The following ASTN1 variants were observed in gnomAD, a reference collection of about 807,000 sequenced individuals.
ASTN1 encodes the protein astrotactin 1, also known as astrotactin-1.
Under a neutral mutation model 140.7 loss-of-function variants are expected in ASTN1, and 41 were observed. The observed-to-expected ratio is 0.29, with a 90% CI of 0.23 to 0.38. ASTN1 has a LOEUF of 0.38. ASTN1 is among the 10% of genes least tolerant of loss of function. The pLI, the probability that ASTN1 is intolerant of heterozygous loss-of-function variation, is 1.00. For missense variants in ASTN1, 1,479 were observed against 1,678.8 expected, an observed-to-expected ratio of 0.88 and a Z score of 2.08; for synonymous variants, 640 against 652.2, an observed-to-expected ratio of 0.98 and a Z score of 0.29.
chr1:176,962,394 A>G (rs1400232709), intron 9 of ASTN1, among the ~76,000 whole-genome samples: 2 of 152,174 alleles, frequency 1.3e-5, no homozygotes, highest in Non-Finnish European at 2.9e-5. Flanking sequence ...TCTGGGTTCA[A>G]GTTTTTAGGA....
intron 2 of ASTN1, among the ~76,000 whole-genome samples, chr1:177,047,756 G>A (rs567093083): frequency 6.6e-6 from 1 of 152,214 alleles, no homozygotes; most frequent in East Asian, 1.9e-4. Context: ...CACAAGAAGA[G>A]GATCCCATGG....
chr1:177,149,188 ATATAG>A (rs1682871188), intron 1 of ASTN1, among the ~76,000 whole-genome samples: 1 of 119,542 alleles, frequency 8.4e-6, no homozygotes, highest in Non-Finnish European at 1.6e-5. Flanking sequence ...TAGTGTATAT[ATATAG>A]TAAATATATA....
At chr1:177,141,730 A>G (rs759749677) in intron 1 of ASTN1, among the ~76,000 whole-genome samples, 1 of 152,204 alleles carries the variant, frequency 6.6e-6, no homozygotes, top group Non-Finnish European at 1.5e-5. Flanking sequence ...TTCATTTCCA[A>G]CTGCCTGGCT....
chr1:176,957,294 T>C (rs1672449389), intron 11 of ASTN1, among the ~76,000 whole-genome samples: 1 of 152,130 alleles, frequency 6.6e-6, no homozygotes, highest in Non-Finnish European at 1.5e-5. Flanking sequence ...GGACAAAGTT[T>C]TTTTTTTAAT....
rs114605996 is a variant in ASTN1, at chr1:176,982,736, A to G, written c.1524-17499T>C. 5.1e-3 allele frequency among the ~76,000 whole-genome samples: 779 copies of G among 152,270 alleles called. 15 individuals carry two copies. Among genetic ancestry groups the G allele is most frequent in the African/African-American group, 0.017 (724 of 41,548 alleles). ...CATGGCCATGGGTATGTTTTAACGT[A>G]CCCAAAGAGATTCTAATGTGCAGCA... On this transcript the variant is annotated intron_variant, in intron 8 of 22. Coordinates refer to ENST00000361833, the MANE Select transcript of ASTN1 (RefSeq NM_004319.3).
intron 16 of ASTN1, among the ~76,000 whole-genome samples, chr1:176,914,347 T>C (rs543904919): frequency 2.6e-5 from 4 of 152,256 alleles, no homozygotes; most frequent in Admixed American, 6.5e-5. Flanking sequence ...TGGAGGAATA[T>C]GTTCTGAAGA....
intron 1 of ASTN1, among the ~76,000 whole-genome samples, chr1:177,115,149 A>T (rs1451179069): frequency 4.6e-5 from 7 of 152,110 alleles, no homozygotes; most frequent in Non-Finnish European, 8.8e-5. Context: ...ACCCACAAGG[A>T]TACATATCAG....
intron 1 of ASTN1, among the ~76,000 whole-genome samples, chr1:177,096,259 G>A (rs1446440721): frequency 6.6e-6 from 1 of 152,112 alleles, no homozygotes; most frequent in South Asian, 2.1e-4. Flanking sequence ...GATGAGATTT[G>A]GACTTTAAAG....
chr1:177,090,053 G>A (rs988156340), intron 1 of ASTN1, among the ~76,000 whole-genome samples: 4 of 151,714 alleles, frequency 2.6e-5, no homozygotes, highest in South Asian at 2.1e-4. Context: ...CAGTGCCACC[G>A]TCATCAATAC....
At chr1:177,142,273 G>T (rs958693616) in intron 1 of ASTN1, among the ~76,000 whole-genome samples, 5 of 144,224 alleles carry the variant, frequency 3.5e-5, no homozygotes, top group South Asian at 2.2e-4. Flanking sequence ...AATTGCTGTT[G>T]TTTTTTTTTT....
At chr1:177,131,123 T>A (rs1447004576) in intron 1 of ASTN1, among the ~76,000 whole-genome samples, 1 of 152,198 alleles carries the variant, frequency 6.6e-6, no homozygotes, top group African/African-American at 2.4e-5. Flanking sequence ...CCTGTCTGCC[T>A]GGGCTACAGT....
intron 2 of ASTN1, among the ~76,000 whole-genome samples, chr1:177,051,361 C>A (rs1018214931): frequency 2.0e-5 from 3 of 152,336 alleles, no homozygotes; most frequent in Non-Finnish European, 4.4e-5. Flanking sequence ...GGCCCACTGC[C>A]TGTTTTTGTA....
intron 2 of ASTN1, among the ~76,000 whole-genome samples, chr1:177,056,993 G>A (rs1481792056): frequency 6.6e-6 from 1 of 152,128 alleles, no homozygotes; most frequent in South Asian, 2.1e-4. Flanking sequence ...GTATCTTTGT[G>A]TACTTTCATA....
intron 1 of ASTN1, among the ~76,000 whole-genome samples, chr1:177,148,184 C>T (rs1017942039): frequency 1.1e-4 from 16 of 152,030 alleles, no homozygotes; most frequent in Admixed American, 5.2e-4. Flanking sequence ...TTTGGGAGGC[C>T]GAGGCAGGCG....
intron 21 of ASTN1, among the ~76,000 whole-genome samples, chr1:176,874,379 TCTTTTAAAATGTGAGC>T (rs1465121783): frequency 6.6e-6 from 1 of 152,196 alleles, no homozygotes; most frequent in Non-Finnish European, 1.5e-5. Flanking sequence ...ACTTGAACAG[TCTTTTAAAATGTGAGC>T]CTTTTCTTCT....
intron 14 of ASTN1, among the ~76,000 whole-genome samples, chr1:176,938,962 C>CA (rs895267273): frequency 6.6e-6 from 1 of 151,096 alleles, no homozygotes; most frequent in African/African-American, 2.4e-5. Flanking sequence ...TAAAAAAAAA[C>CA]AAAAAACAAA....
intron 2 of ASTN1, among the ~76,000 whole-genome samples, chr1:177,046,301 T>G (rs1218429230): frequency 6.6e-6 from 1 of 152,224 alleles, no homozygotes; most frequent in Non-Finnish European, 1.5e-5. Context: ...ATTTATAACT[T>G]TGACTCCACT....
chr1:177,046,330 C>A (rs1057107298), intron 2 of ASTN1, among the ~76,000 whole-genome samples: 1 of 152,180 alleles, frequency 6.6e-6, no homozygotes, highest in Non-Finnish European at 1.5e-5. Context: ...GAAAAGAAAA[C>A]CAGTCACAAT....
intron 21 of ASTN1, among the ~76,000 whole-genome samples, chr1:176,873,287 G>GGCCT (rs144888748): frequency 0.019 from 2,957 of 152,282 alleles, 78 homozygotes; most frequent in African/African-American, 0.068. Flanking sequence ...GGAAGGCCAT[G>GGCCT]GCCTGACCTA....
Sources: gnomAD v4.1 joint callset for allele counts (sites outside exome capture counted in the v4.1 genomes callset) on GRCh38, gnomAD v4.1.1 for gene constraint, MANE v1.5 for transcripts, NCBI Gene and HGNC (gene_info 2026-07-23, HGNC 2026-07-21) for gene names.